EXT1: variants seen among roughly 807,000 people sequenced by gnomAD.
The protein encoded by EXT1 is exostosin-1.
In EXT1, 20 loss-of-function variants were observed where a neutral mutation model predicts 82.5. That is an observed-to-expected ratio of 0.24 (90% confidence interval 0.17 to 0.35). The LOEUF is 0.35. Among genes scored for constraint, EXT1 ranks in the 10% least tolerant of loss-of-function variants. The pLI, the probability that EXT1 is intolerant of heterozygous loss-of-function variation, is 1.00. For missense variants in EXT1, 757 were observed against 936.5 expected, an observed-to-expected ratio of 0.81 and a Z score of 2.50; for synonymous variants, 348 against 350.8, an observed-to-expected ratio of 0.99 and a Z score of 0.09.
intron 1 of EXT1, among the ~76,000 whole-genome samples, chr8:117,850,371 T>C (rs1812432752): frequency 6.6e-6 from 1 of 152,194 alleles, no homozygotes; most frequent in African/African-American, 2.4e-5. Context: ...TCCTCAGGAT[T>C]AAGGCTAAGC....
intron 1 of EXT1, among the ~76,000 whole-genome samples, chr8:117,853,135 C>T (rs1295636581): frequency 1.3e-5 from 2 of 152,174 alleles, no homozygotes; most frequent in Non-Finnish European, 2.9e-5. Flanking sequence ...GTATGTGTAC[C>T]ATAATTAGTC....
At chr8:118,045,495 C>G (rs1054409907) in intron 1 of EXT1, among the ~76,000 whole-genome samples, 25 of 152,166 alleles carry the variant, frequency 1.6e-4, no homozygotes, top group African/African-American at 6.0e-4. Flanking sequence ...CAATCTGGGG[C>G]ATGTGCGTAT....
chr8:118,033,574 G>T (rs1021204994), intron 1 of EXT1, among the ~76,000 whole-genome samples: 1 of 152,122 alleles, frequency 6.6e-6, no homozygotes, highest in Admixed American at 6.6e-5. Flanking sequence ...GACCTCCTGG[G>T]CTCAAGCAAT....
chr8:117,814,142 C>T (rs1258391895), intron 7 of EXT1, among the ~76,000 whole-genome samples: 1 of 151,608 alleles, frequency 6.6e-6, no homozygotes, highest in Non-Finnish European at 1.5e-5. Flanking sequence ...CACATATGAT[C>T]CATGGATTTA....
Position 118,110,243 on chromosome 8 carries a change from C to T in EXT1, c.804G>A (p.Gly268=). 1.2e-6 allele frequency: 2 copies of T among 1,614,154 alleles called. No homozygotes were observed. Among genetic ancestry groups the T allele is most frequent in the Non-Finnish European group, 1.7e-6 (2 of 1,180,034 alleles). ...PLRKYMLVFK[G]KRYLTGIGSD... ...ATCCTATCCCTGTCAGGTACCTCTT[C>T]CCCTTGAATACCAGCATGTACTTCC... Residue 268 remains glycine (G), a synonymous_variant, in exon 1 of 11, where the codon GGG becomes GGA. Transcript: ENST00000378204.
At chr8:117,832,176 G>T (rs1477514405) in intron 3 of EXT1, among the ~76,000 whole-genome samples, 3 of 152,152 alleles carry the variant, frequency 2.0e-5, no homozygotes, top group Non-Finnish European at 4.4e-5. Context: ...TAACTGCTAA[G>T]AGTTATATAG....
intron 1 of EXT1, among the ~76,000 whole-genome samples, chr8:117,998,015 CTT>C (rs11324491): frequency 9.5e-4 from 119 of 125,592 alleles, no homozygotes; most frequent in South Asian, 1.8e-3. Flanking sequence ...TTTTATTTTA[CTT>C]TTTTTTTTTT....
intron 1 of EXT1, among the ~76,000 whole-genome samples, chr8:118,045,612 A>G (rs1816610737): frequency 6.6e-6 from 1 of 151,968 alleles, no homozygotes; most frequent in Admixed American, 6.6e-5. Flanking sequence ...AGCCTCTTCT[A>G]TGTCATCCAT....
chr8:118,006,453 C>T (rs1373410764), intron 1 of EXT1, among the ~76,000 whole-genome samples: 2 of 152,146 alleles, frequency 1.3e-5, no homozygotes, highest in Non-Finnish European at 2.9e-5. Context: ...ACGTAACTTT[C>T]CTTTTTCAGA....
chr8:117,970,058 T>C (rs943542819), intron 1 of EXT1, among the ~76,000 whole-genome samples: 1 of 152,228 alleles, frequency 6.6e-6, no homozygotes, highest in Non-Finnish European at 1.5e-5. Flanking sequence ...CACAGTTTCC[T>C]TTTGTGTAAA....
chr8:117,989,448 T>C (rs1231625670), intron 1 of EXT1, among the ~76,000 whole-genome samples: 1 of 152,188 alleles, frequency 6.6e-6, no homozygotes, highest in Non-Finnish European at 1.5e-5. Flanking sequence ...CAAAGACCCT[T>C]AAGTGTTCAG....
intron 1 of EXT1, among the ~76,000 whole-genome samples, chr8:117,896,560 C>T (rs557711261): frequency 7.2e-5 from 11 of 152,310 alleles, no homozygotes; most frequent in Admixed American, 3.3e-4. Context: ...CCAACTCTCA[C>T]GGCTTACATT....
intron 1 of EXT1, among the ~76,000 whole-genome samples, chr8:117,855,276 T>A (rs1455261575): frequency 3.9e-5 from 6 of 152,362 alleles, no homozygotes; most frequent in Admixed American, 6.5e-5. Flanking sequence ...TTGTTTTTGT[T>A]TTTAACAAAT....
At chr8:117,889,097 G>A (rs899245038) in intron 1 of EXT1, among the ~76,000 whole-genome samples, 1 of 152,140 alleles carries the variant, frequency 6.6e-6, no homozygotes, top group African/African-American at 2.4e-5. Flanking sequence ...GAGATGGAAT[G>A]CAGTTGTGAT....
At chr8:117,805,127 C>G (rs558885348) in intron 9 of EXT1, among the ~76,000 whole-genome samples, 16 of 152,250 alleles carry the variant, frequency 1.1e-4, no homozygotes, top group Non-Finnish European at 1.9e-4. Context: ...AAGGAGCCTA[C>G]AAGGCAGGTT....
rs1817875535 is a variant in EXT1 at position 118,110,421 on chromosome 8, A to G, written c.626T>C (p.Phe209Ser). ...TWPDYTEDVG[F>S]DIGQAMLAKA... Reference sequence around the variant, plus strand: ...GGCCAGCATCGCCTGGCCGATGTCAAACCCCACGTCCTCGGTGTAGTCAGG... The same window carrying G: ...GGCCAGCATCGCCTGGCCGATGTCAGACCCCACGTCCTCGGTGTAGTCAGG... The change falls in exon 1 of 11, where the codon TTT becomes TCT. Residue 209 changes from phenylalanine to serine, a missense_variant. By Grantham distance (155) the Phe-to-Ser change is radical (BLOSUM62 -2). Coordinates refer to ENST00000378204, the MANE Select transcript of EXT1 (RefSeq NM_000127.3). 1 of 1,614,062 alleles carries G rather than the reference A, an allele frequency of 6.2e-7. No individual in the cohort carries two copies. Among genetic ancestry groups the G allele is most frequent in the Non-Finnish European group, 8.5e-7 (1 of 1,180,052 alleles).
At chr8:117,951,491 A>G (rs530523091) in intron 1 of EXT1, among the ~76,000 whole-genome samples, 7 of 152,310 alleles carry the variant, frequency 4.6e-5, no homozygotes, top group African/African-American at 1.4e-4. Flanking sequence ...CATTCATACA[A>G]ACTAGACCCT....
chr8:117,849,049 T>C (rs1444010005), intron 1 of EXT1, among the ~76,000 whole-genome samples: 1 of 152,204 alleles, frequency 6.6e-6, no homozygotes, highest in Non-Finnish European at 1.5e-5. Context: ...CGGCTCTCAA[T>C]TTCTTGACAG....
chr8:117,825,089 C>A (rs1242860136), intron 4 of EXT1, among the ~76,000 whole-genome samples: 6 of 152,062 alleles, frequency 3.9e-5, no homozygotes, highest in Non-Finnish European at 8.8e-5. Flanking sequence ...TCAGGCTGGA[C>A]TCAAACTCCT....
Sources: gnomAD v4.1 joint callset for allele counts (sites outside exome capture counted in the v4.1 genomes callset) on GRCh38, gnomAD v4.1.1 for gene constraint, MANE v1.5 for transcripts, NCBI Gene and HGNC (gene_info 2026-07-23, HGNC 2026-07-21) for gene names.